The following SUGCT variants were observed in gnomAD, a reference collection of about 807,000 sequenced individuals.
SUGCT encodes succinyl-CoA:glutarate-CoA transferase, also known as succinyl-CoA:glutarate CoA-transferase.
SUGCT carries 41 observed loss-of-function variants against 55.0 expected under a neutral mutation model. The observed-to-expected ratio is 0.74, with a 90% confidence interval of 0.58 to 0.97. The LOEUF is 0.97. Among genes scored for constraint, SUGCT ranks in the 50% least tolerant of loss-of-function variants. The pLI, the probability that SUGCT is intolerant of heterozygous loss-of-function variation, is 0.00. For synonymous variants in SUGCT, 187 were observed against 200.4 expected, an observed-to-expected ratio of 0.93 and a Z score of 0.56; for missense variants, 568 against 547.8, an observed-to-expected ratio of 1.04 and a Z score of -0.37.
intron 9 of SUGCT, among the ~76,000 whole-genome samples, chr7:40,318,180 A>G (rs973829246): frequency 7.9e-5 from 12 of 152,154 alleles, no homozygotes; most frequent in African/African-American, 2.9e-4. Flanking sequence ...ATGAACTCCA[A>G]CTGTGGTGCC....
At chr7:40,729,523 G>T (rs1051312386) in intron 12 of SUGCT, among the ~76,000 whole-genome samples, 1 of 152,212 alleles carries the variant, frequency 6.6e-6, no homozygotes. Flanking sequence ...GTGGTGGTGA[G>T]TGGAAGCATA....
chr7:40,524,993 A>C (rs1562836758), intron 12 of SUGCT, among the ~76,000 whole-genome samples: 1 of 152,192 alleles, frequency 6.6e-6, no homozygotes, highest in South Asian at 2.1e-4. Context: ...CTGGAATAGC[A>C]CTAGCTCAAT....
At chr7:40,951,517 G>A in the SUGCT span, among the ~76,000 whole-genome samples, 4 of 152,052 alleles carry the variant, frequency 2.6e-5, no homozygotes, top group African/African-American at 9.7e-5. Flanking sequence ...GTTTGCTCTT[G>A]CTTCTCTAGT....
intron 12 of SUGCT, among the ~76,000 whole-genome samples, chr7:40,590,005 A>C (rs1797624933): frequency 6.6e-6 from 1 of 152,042 alleles, no homozygotes. Flanking sequence ...ATGTTTGAAC[A>C]TATGCTCACT....
At chr7:40,581,101 G>T (rs182287622) in intron 12 of SUGCT, among the ~76,000 whole-genome samples, 2 of 152,128 alleles carry the variant, frequency 1.3e-5, no homozygotes, top group South Asian at 2.1e-4. Flanking sequence ...TGTGTGCTTC[G>T]CTGTTTATTT....
chr7:40,902,347 A>C, the SUGCT span, among the ~76,000 whole-genome samples: 1 of 152,090 alleles, frequency 6.6e-6, no homozygotes, highest in African/African-American at 2.4e-5. Context: ...AGGAGGCTTG[A>C]GGCAGGTGGA....
intron 13 of SUGCT, among the ~76,000 whole-genome samples, chr7:40,796,048 TATA>T: frequency 6.6e-6 from 1 of 152,316 alleles, no homozygotes; most frequent in East Asian, 1.9e-4. Flanking sequence ...CTCAATTGTT[TATA>T]ATAACCCATT....
intron 1 of SUGCT, among the ~76,000 whole-genome samples, chr7:40,176,250 T>C (rs909695053): frequency 1.1e-4 from 16 of 151,058 alleles, no homozygotes; most frequent in Non-Finnish European, 2.2e-4. Flanking sequence ...ATTTAGTGAG[T>C]AGTCAAATTC....
chr7:40,288,271 G>T (rs1291166153), intron 8 of SUGCT, among the ~76,000 whole-genome samples: 1 of 151,568 alleles, frequency 6.6e-6, no homozygotes, highest in Non-Finnish European at 1.5e-5. Context: ...TTATTGTTTG[G>T]TAGAATTCAT....
the SUGCT span, among the ~76,000 whole-genome samples, chr7:40,995,097 T>C: frequency 6.6e-6 from 1 of 152,094 alleles, no homozygotes; most frequent in African/African-American, 2.4e-5. Flanking sequence ...CTTCACATAC[T>C]ATACAATTCT....
chr7:40,982,974 C>T, the SUGCT span, among the ~76,000 whole-genome samples: 11 of 152,086 alleles, frequency 7.2e-5, no homozygotes, highest in African/African-American at 2.7e-4. Context: ...ACCAAGAAGC[C>T]CAGAGCTCTG....
rs552427242 is a variant in SUGCT at position 40,717,434 on chromosome 7, A to G, written c.1090-32000A>G. On this transcript the variant is annotated intron_variant, in intron 12 of 13. Coordinates refer to ENST00000335693, the MANE Select transcript of SUGCT (RefSeq NM_001193313.2). ...AGCTCCTCCCGTGCACAAGGCGTGA[A>G]CTCCCCGTGGCCCCACCCATTTCCC... Among the ~76,000 whole-genome samples the G allele has an allele frequency of 1.1e-4, 17 of 151,906 alleles. No homozygotes were observed. In the East Asian group the frequency reaches 2.1e-3, roughly 19 times the overall value.
intron 12 of SUGCT, among the ~76,000 whole-genome samples, chr7:40,712,557 G>A (rs1010274618): frequency 1.2e-4 from 18 of 152,298 alleles, no homozygotes; most frequent in African/African-American, 4.1e-4. Context: ...TATAAAATTT[G>A]TCTTGAGTAT....
intron 12 of SUGCT, among the ~76,000 whole-genome samples, chr7:40,588,946 A>AT (rs1282131168): frequency 2.0e-5 from 3 of 152,144 alleles, no homozygotes; most frequent in Non-Finnish European, 4.4e-5. Flanking sequence ...CATATCTGAT[A>AT]TTTTTGCTTG....
At chr7:40,529,169 T>A (rs1039225902) in intron 12 of SUGCT, among the ~76,000 whole-genome samples, 1 of 152,132 alleles carries the variant, frequency 6.6e-6, no homozygotes, top group Non-Finnish European at 1.5e-5. Flanking sequence ...CACCCTTAGG[T>A]GAGATCTTGA....
At chr7:40,927,109 C>A in the SUGCT span, among the ~76,000 whole-genome samples, 1 of 152,108 alleles carries the variant, frequency 6.6e-6, no homozygotes, top group East Asian at 1.9e-4. Context: ...TATTTAAAAA[C>A]TTGTATATGT....
In SUGCT at chr7:40,144,465, A is replaced by G. The variant is rs117832614; in HGVS notation, c.100+9345A>G. Among the ~76,000 whole-genome samples the G allele has an allele frequency of 1.7e-3, 264 of 152,124 alleles. 11 individuals are homozygous for G. The East Asian group carries it at 0.04, about 23-fold the overall frequency. On this transcript the variant is annotated intron_variant, in intron 1 of 13. Coordinates refer to ENST00000335693, the MANE Select transcript of SUGCT (RefSeq NM_001193313.2). ...TTCTTGACTCAGGTGTGATGAGTCT[A>G]TTCCCTTTCCCACTGTAAGAACAGC...
At chr7:40,335,407 A>G (rs201980043) in intron 9 of SUGCT, among the ~76,000 whole-genome samples, 107,465 of 150,450 alleles carry the variant, frequency 0.71, 38,757 homozygotes, top group East Asian at 0.99. Context: ...ATTTGTTTGT[A>G]TCCTCTTTTA....
intron 9 of SUGCT, among the ~76,000 whole-genome samples, chr7:40,429,701 T>C (rs1167670823): frequency 1.3e-5 from 2 of 152,204 alleles, no homozygotes; most frequent in South Asian, 2.1e-4. Flanking sequence ...CACACCCAGA[T>C]TGAGGGTGGG....
Sources: allele counts gnomAD v4.1 joint callset (sites outside exome capture counted in the v4.1 genomes callset), GRCh38; gene constraint gnomAD v4.1.1; transcripts MANE v1.5; gene names NCBI Gene and HGNC (gene_info 2026-07-23, HGNC 2026-07-21).